The following ACSM3 variants were observed in gnomAD, a reference collection of about 807,000 sequenced individuals.
ACSM3 encodes the protein acyl-CoA synthetase medium chain family member 3.
In ACSM3, 61 loss-of-function variants were observed where a neutral mutation model predicts 74.1. The ratio of observed to expected loss-of-function variants is 0.82; its 90% CI spans 0.67 to 1.02. The LOEUF is 1.02. Among genes scored for constraint, ACSM3 ranks in the 50% least tolerant of loss-of-function variants. The pLI is 0.00. For missense variants in ACSM3, 660 were observed against 697.0 expected (o/e 0.95, Z 0.60); for synonymous variants, 213 against 241.5 (o/e 0.88, Z 1.09).
chr16:20,796,589 C>A (rs1434299977), intron 13 of ACSM3, 100 bp downstream of exon 13: 6 of 1,566,012 alleles, frequency 3.8e-6, no homozygotes, highest in Non-Finnish European at 5.2e-6. Flanking sequence ...ACATGCTGCA[C>A]CACATGTCCC....
In ACSM3 at chr16:20,698,488, C is replaced by T. The variant is rs900883125; in HGVS notation, c.-190+23666C>T. Among the ~76,000 whole-genome samples the T allele has an allele frequency of 6.8e-4, 104 of 152,058 alleles. 4 individuals carry two copies. Among genetic ancestry groups the T allele is most frequent in the Non-Finnish European group, 1.2e-4 (8 of 68,016 alleles). On this transcript the variant is annotated intron_variant, in intron 1 of 3. Transcript: ENST00000561584. ...TGTCATCTTTGTGGACCTTCTTGCT[C>T]TGGGCCTCACCTCCCTTAATTGGTT...
rs535317405 is a variant in ACSM3 at position 20,683,776 on chromosome 16, G to A, written c.-190+8954G>A. 4.1e-5 allele frequency among the ~76,000 whole-genome samples: 6 copies of A among 148,062 alleles called. No homozygotes were observed. The East Asian group carries it at 1.0e-3, about 25-fold the overall frequency. Reference sequence around the variant, plus strand: ...GTAGAGATGGGGTTTCACCATGTTGGCCAGGATGGTCTCGATCTCCTGACC... The same window carrying A: ...GTAGAGATGGGGTTTCACCATGTTGACCAGGATGGTCTCGATCTCCTGACC... On this transcript the variant is annotated intron_variant, in intron 1 of 3. Transcript: ENST00000561584.
intron 1 of ACSM3, among the ~76,000 whole-genome samples, chr16:20,717,949 A>T (rs1255997018): frequency 9.1e-6 from 1 of 110,164 alleles, no homozygotes; most frequent in Non-Finnish European, 2.0e-5. Flanking sequence ...GAAGAGGAAG[A>T]GGAAGAGGAA....
At chr16:20,685,332 G>A (rs1192210690) in intron 1 of ACSM3, 2 of 1,614,158 alleles carry the variant, frequency 1.2e-6, no homozygotes, top group South Asian at 2.2e-5. Context: ...CCATCTCTCT[G>A]AAGCTCCACT....
chr16:20,741,759 G>A, intron 1 of ACSM3: 2 of 1,557,234 alleles, frequency 1.3e-6, no homozygotes, highest in Non-Finnish European at 1.7e-6. Context: ...AAACTGAGAG[G>A]AAAGAGAAAC....
At chr16:20,773,548 A>G (rs540465222) in intron 2 of ACSM3, among the ~76,000 whole-genome samples, 7 of 152,230 alleles carry the variant, frequency 4.6e-5, no homozygotes, top group Non-Finnish European at 4.4e-5. Context: ...ATTTTGATAT[A>G]TTATGCTTCC....
intron 12 of ACSM3, chr16:20,795,946 T>G (rs2080713918): frequency 6.5e-6 from 1 of 154,796 alleles, no homozygotes. Flanking sequence ...TTTCTTGGCT[T>G]CTGCCAGTTA....
intron 1 of ACSM3, among the ~76,000 whole-genome samples, chr16:20,714,297 G>A (rs1014540643): frequency 2.6e-5 from 4 of 151,230 alleles, no homozygotes; most frequent in African/African-American, 7.4e-5. Context: ...TAGAGTGAAG[G>A]CTGTAAGAGC....
chr16:20,724,772 C>A (rs1287430189), intron 1 of ACSM3, among the ~76,000 whole-genome samples: 1 of 152,184 alleles, frequency 6.6e-6, no homozygotes, highest in African/African-American at 2.4e-5. Flanking sequence ...AGTGAACTCC[C>A]ATTCACAATT....
intron 1 of ACSM3, among the ~76,000 whole-genome samples, chr16:20,719,739 A>G (rs1485718662): frequency 6.6e-6 from 1 of 152,226 alleles, no homozygotes; most frequent in African/African-American, 2.4e-5. Context: ...AACCAAGATA[A>G]TAGCTGATAA....
At chr16:20,785,745 A>C (rs1311309738) in intron 8 of ACSM3, among the ~76,000 whole-genome samples, 1 of 152,180 alleles carries the variant, frequency 6.6e-6, no homozygotes, top group Non-Finnish European at 1.5e-5. Context: ...AGAATGTATC[A>C]CCTGGTAAAA....
At chr16:20,718,780 A>G (rs2079774660) in intron 1 of ACSM3, among the ~76,000 whole-genome samples, 1 of 152,198 alleles carries the variant, frequency 6.6e-6, no homozygotes, top group East Asian at 1.9e-4. Context: ...GGCCTTCCTA[A>G]AAGAGAGACT....
intron 1 of ACSM3, among the ~76,000 whole-genome samples, chr16:20,675,510 G>A (rs1044544922): frequency 6.6e-6 from 1 of 152,168 alleles, no homozygotes; most frequent in African/African-American, 2.4e-5. Context: ...ACCTTAGAGT[G>A]AAAGTGCACC....
chr16:20,772,285 C>T (rs1193090367), intron 2 of ACSM3, among the ~76,000 whole-genome samples: 1 of 151,834 alleles, frequency 6.6e-6, no homozygotes, highest in African/African-American at 2.4e-5. Flanking sequence ...GTTTTGTTGC[C>T]TGTGTTTTCA....
At chr16:20,728,702 T>A (rs936085668) in intron 1 of ACSM3, among the ~76,000 whole-genome samples, 2 of 149,690 alleles carry the variant, frequency 1.3e-5, no homozygotes, top group African/African-American at 4.9e-5. Context: ...AAAGGAAAAC[T>A]GGACAGGGTA....
intron 1 of ACSM3, among the ~76,000 whole-genome samples, chr16:20,685,651 C>A (rs1345158127): frequency 1.2e-4 from 18 of 151,772 alleles, no homozygotes; most frequent in Non-Finnish European, 1.5e-5. Flanking sequence ...GAAACCCTGT[C>A]TCTACTAAAA....
intron 1 of ACSM3, chr16:20,728,310 A>T: frequency 1.5e-6 from 1 of 669,752 alleles, no homozygotes; most frequent in Admixed American, 2.6e-5. Context: ...TCTGCTATTC[A>T]CTGTACAACT....
At chr16:20,703,328 G>C (rs1275145302) in intron 1 of ACSM3, 1 of 152,134 alleles carries the variant, frequency 6.6e-6, no homozygotes, top group Non-Finnish European at 1.5e-5. Context: ...ATTTAAAGTA[G>C]TTTTTTCTAA....
chr16:20,780,990 A>C lies in ACSM3; in HGVS notation c.799A>C (p.Thr267Pro). 1 of 1,614,110 alleles carries C rather than the reference A, an allele frequency of 6.2e-7. No individual in the cohort carries two copies. The highest frequency in any genetic ancestry group is 1.1e-5 in the South Asian group (1 of 91,060). The part of the protein sequence containing the change: ...SVNGRFWLDL[T>P]PSDVMWNTSD... ...TTTTCCCAGGTTCTGGCTAGATTTGACACCCTCAGATGTGATGTGGAATAC... is the reference window on the plus strand; with the variant it reads ...TTTTCCCAGGTTCTGGCTAGATTTGCCACCCTCAGATGTGATGTGGAATAC... The change falls in exon 6 of 14, where the codon ACA (threonine) becomes CCA (proline). Residue 267 changes from threonine to proline, a missense_variant. Coordinates refer to ENST00000289416, the MANE Select transcript of ACSM3 (RefSeq NM_005622.4).
Sources: gnomAD v4.1 joint callset for allele counts (sites outside exome capture counted in the v4.1 genomes callset) on GRCh38, gnomAD v4.1.1 for gene constraint, MANE v1.5 for transcripts, NCBI Gene and HGNC (gene_info 2026-07-23, HGNC 2026-07-21) for gene names.